The following SIL1 variants were observed in gnomAD, a reference collection of about 807,000 sequenced individuals.
The protein encoded by SIL1 is nucleotide exchange factor SIL1.
In SIL1, 40 loss-of-function variants were observed where a neutral mutation model predicts 49.1. The observed-to-expected ratio is 0.81, with a 90% confidence interval of 0.63 to 1.06. The LOEUF is 1.06. Ranked by LOEUF, SIL1 falls within the 50% of genes least tolerant of loss-of-function variation. SIL1 has a pLI of 0.00. For synonymous variants in SIL1, 253 were observed against 250.8 expected (o/e 1.01, Z -0.08); for missense variants, 500 against 572.6 (o/e 0.87, Z 1.29).
At chr5:138,975,100 C>A (rs1427039675) in intron 7 of SIL1, among the ~76,000 whole-genome samples, 1 of 152,152 alleles carries the variant, frequency 6.6e-6, no homozygotes, top group East Asian at 1.9e-4. Flanking sequence ...TAAAAACACC[C>A]CATTTTTAGT....
chr5:139,003,554 C>T (rs1221316623), intron 7 of SIL1, among the ~76,000 whole-genome samples: 3 of 152,188 alleles, frequency 2.0e-5, no homozygotes, highest in Non-Finnish European at 4.4e-5. Context: ...TTTTAAATAA[C>T]GTACACAAGT....
chr5:139,041,087 C>T (rs1484975357), intron 5 of SIL1, among the ~76,000 whole-genome samples: 2 of 152,200 alleles, frequency 1.3e-5, no homozygotes, highest in Non-Finnish European at 2.9e-5. Context: ...TGGCCAGTCC[C>T]TGTCCTAGGC....
intron 5 of SIL1, among the ~76,000 whole-genome samples, chr5:139,041,610 C>T (rs1769049372): frequency 6.6e-6 from 1 of 152,044 alleles, no homozygotes; most frequent in Admixed American, 6.5e-5. Flanking sequence ...TCGAGAGCAA[C>T]CTGGCCAACA....
intron 5 of SIL1, among the ~76,000 whole-genome samples, chr5:139,042,101 C>T (rs1769060212): frequency 6.6e-6 from 1 of 152,208 alleles, no homozygotes; most frequent in Non-Finnish European, 1.5e-5. Flanking sequence ...TGGAGGAAAC[C>T]TCAGTCATCC....
At chr5:139,167,936 C>T (rs888905280) in intron 1 of SIL1, among the ~76,000 whole-genome samples, 4 of 152,340 alleles carry the variant, frequency 2.6e-5, no homozygotes, top group African/African-American at 7.2e-5. Context: ...CCTACCTCAG[C>T]CTCCCAAGTA....
intron 5 of SIL1, among the ~76,000 whole-genome samples, chr5:139,040,491 C>CTTTTTTT (rs1171613634): frequency 3.1e-5 from 3 of 97,150 alleles, no homozygotes; most frequent in African/African-American, 5.4e-5. Context: ...TTTCTTTTTT[C>CTTTTTTT]TTTTTTCTTT....
chr5:139,056,596 G>T lies in SIL1; in HGVS notation c.245-5550C>A, dbSNP rs1476098926. Among the ~76,000 whole-genome samples, 3 of 147,346 alleles carry T rather than the reference G, an allele frequency of 2.0e-5. No homozygotes were observed. The East Asian group carries it at 6.1e-4, about 30-fold the overall frequency. ...CAGCCGCCCCGTCCGGGAGGGAGGT[G>T]GGGGGGTCAGCCCCCCGCCCGGCCA... is the stretch of plus-strand genomic sequence containing the variant. On this transcript the variant is annotated intron_variant, in intron 3 of 9. Coordinates refer to ENST00000394817, the MANE Select transcript of SIL1 (RefSeq NM_022464.5).
intron 1 of SIL1, among the ~76,000 whole-genome samples, chr5:139,178,480 G>C (rs1469205750): frequency 3.9e-5 from 6 of 152,012 alleles, no homozygotes; most frequent in Admixed American, 1.3e-4. Context: ...TCCAACCTCA[G>C]CTGGCTCCTC....
At chr5:139,051,109 C>T in intron 3 of SIL1, 63 bp from the exon 4 acceptor site, 1 of 1,479,426 alleles carries the variant, frequency 6.8e-7, no homozygotes, top group Non-Finnish European at 9.4e-7. Flanking sequence ...GTCGGGATGG[C>T]CAGCAAGCCA....
chr5:138,950,150 C>G (rs1766735099), intron 9 of SIL1, among the ~76,000 whole-genome samples: 1 of 152,180 alleles, frequency 6.6e-6, no homozygotes, highest in South Asian at 2.1e-4. Context: ...GGGACACACA[C>G]CCAAGACACC....
chr5:139,098,042 C>T (rs921615634), intron 3 of SIL1, among the ~76,000 whole-genome samples: 1 of 152,164 alleles, frequency 6.6e-6, no homozygotes, highest in African/African-American at 2.4e-5. Flanking sequence ...CAGATTCATG[C>T]AATCCCTATT....
chr5:138,949,798 C>CAA (rs5871689), intron 9 of SIL1, among the ~76,000 whole-genome samples: 3,519 of 83,064 alleles, frequency 0.042, 89 homozygotes, highest in Middle Eastern at 0.091. Context: ...GACCCTGTCT[C>CAA]AAAAAAAAAA....
At chr5:139,048,323 T>C (rs1410833441) in intron 4 of SIL1, among the ~76,000 whole-genome samples, 2 of 151,280 alleles carry the variant, frequency 1.3e-5, no homozygotes, top group South Asian at 2.1e-4. Context: ...ACCCAGCTAA[T>C]TTTTGGTTTT....
chr5:139,190,083 GTAAC>G (rs1256380495), intron 1 of SIL1, among the ~76,000 whole-genome samples: 1 of 152,160 alleles, frequency 6.6e-6, no homozygotes, highest in Non-Finnish European at 1.5e-5. Flanking sequence ...GAGAAAATAA[GTAAC>G]TTACAATCTG....
In SIL1 at chr5:138,955,835, AG is replaced by A. The variant is rs370127140; in HGVS notation, c.768-3952del. On this transcript the variant is annotated intron_variant, in intron 7 of 9. Coordinates refer to ENST00000394817, the MANE Select transcript of SIL1 (RefSeq NM_022464.5). Reference sequence around the variant, plus strand: ...CGCTGCACGGGTGGCAGGGCCAACAAGGTATGTGCACGGAAATCCTGCTCCA... The same window carrying A: ...CGCTGCACGGGTGGCAGGGCCAACAAGTATGTGCACGGAAATCCTGCTCCA... Among the ~76,000 whole-genome samples, 47 of 152,372 alleles carry A rather than the reference AG, an allele frequency of 3.1e-4. No individual in the cohort carries two copies. The East Asian group carries it at 7.2e-3, about 23-fold the overall frequency.
rs187497269 is a variant in SIL1, at chr5:139,094,524, T to C, written c.244+26511A>G. On this transcript the variant is annotated intron_variant, in intron 3 of 9. Transcript: ENST00000394817. ...AGGGATATGAAATGTTAAGAAAGGC[T>C]AAAACATTTTTGAAAGGGTAGACAG... Among the ~76,000 whole-genome samples the C allele has an allele frequency of 5.9e-5, 9 of 152,354 alleles. No individual in the cohort carries two copies. In the East Asian group the frequency reaches 1.7e-3, roughly 29 times the overall value.
chr5:139,078,951 C>T (rs1320330483), intron 3 of SIL1, among the ~76,000 whole-genome samples: 2 of 152,210 alleles, frequency 1.3e-5, no homozygotes, highest in African/African-American at 4.8e-5. Context: ...TCTATGCTGG[C>T]CCTTACAGTA....
rs1038158610 is a variant in SIL1 at position 139,120,908 on chromosome 5, C to G, written c.244+127G>C. 6.7e-6 allele frequency: 8 copies of G among 1,187,078 alleles called. No homozygotes were observed. The Admixed American group carries it at 1.2e-4, about 18-fold the overall frequency. 73.5% of individuals were successfully genotyped at this position (1,187,078 alleles called of 1,614,324 possible). On this transcript the variant is annotated intron_variant, in intron 3 of 9. Coordinates refer to ENST00000394817, the MANE Select transcript of SIL1 (RefSeq NM_022464.5). ...CCTGCAGCAGCAGCTACCACTCTGA[C>G]GGACCATGCTGTTTCCCTCCCGCAG...
chr5:139,167,650 ACATT>A (rs1205508078), intron 1 of SIL1, among the ~76,000 whole-genome samples: 5 of 152,222 alleles, frequency 3.3e-5, no homozygotes, highest in African/African-American at 4.8e-5. Context: ...AGCTACAGCT[ACATT>A]TATTATTGAA....
Sources: allele counts gnomAD v4.1 joint callset (sites outside exome capture counted in the v4.1 genomes callset), GRCh38; gene constraint gnomAD v4.1.1; transcripts MANE v1.5; gene names NCBI Gene and HGNC (gene_info 2026-07-23, HGNC 2026-07-21).